The following DLG2 variants were observed in gnomAD, a reference collection of about 807,000 sequenced individuals.
DLG2 encodes discs large MAGUK scaffold protein 2, also known as disks large homolog 2.
Under a neutral mutation model 132.5 loss-of-function variants are expected in DLG2, and 45 were observed. The ratio of observed to expected loss-of-function variants is 0.34; its 90% CI spans 0.27 to 0.44. DLG2 has a LOEUF of 0.44. Among genes scored for constraint, DLG2 ranks in the 20% least tolerant of loss-of-function variants. The pLI is 1.00. For missense variants in DLG2, 1,045 were observed against 1,196.9 expected (o/e 0.87, Z 1.87); for synonymous variants, 424 against 419.6 (o/e 1.01, Z -0.13).
intron 11 of DLG2, among the ~76,000 whole-genome samples, chr11:84,016,078 A>T (rs901970084): frequency 3.9e-5 from 6 of 151,950 alleles, no homozygotes; most frequent in African/African-American, 1.4e-4. Context: ...AGCCATTCTG[A>T]CTGGTGTGAG....
chr11:84,686,638 T>TG (rs2099738449), intron 6 of DLG2, among the ~76,000 whole-genome samples: 2 of 150,236 alleles, frequency 1.3e-5, no homozygotes, highest in African/African-American at 4.9e-5. Context: ...AGGTTTTTTT[T>TG]TTTTTTTTTT....
At chr11:83,758,041 T>C (rs2093725784) in intron 18 of DLG2, among the ~76,000 whole-genome samples, 1 of 152,220 alleles carries the variant, frequency 6.6e-6, no homozygotes, top group Admixed American at 6.5e-5. Flanking sequence ...AATGGTTATA[T>C]GGAAGTAATC....
intron 6 of DLG2, among the ~76,000 whole-genome samples, chr11:84,726,281 C>A (rs1490832579): frequency 6.6e-6 from 1 of 152,110 alleles, no homozygotes; most frequent in Non-Finnish European, 1.5e-5. Context: ...TACCCCCAGG[C>A]AGGCCCTGGT....
chr11:84,401,366 G>T lies in DLG2; in HGVS notation c.519+133204C>A, dbSNP rs572357239. On this transcript the variant is annotated intron_variant, in intron 7 of 27. Coordinates refer to ENST00000376104, the MANE Select transcript of DLG2 (RefSeq NM_001142699.3). Reference sequence around the variant, plus strand: ...ATTATACTTATTTTTGTAATCATTTGTTTAATGTCTTTCCTCCACCCCCAA... The same window carrying T: ...ATTATACTTATTTTTGTAATCATTTTTTTAATGTCTTTCCTCCACCCCCAA... 2.0e-5 allele frequency among the ~76,000 whole-genome samples: 3 copies of T among 152,094 alleles called. 1 individual carries two copies. Among genetic ancestry groups the T allele is most frequent in the East Asian group, 1.9e-4 (1 of 5,168 alleles).
In DLG2 at chr11:84,809,434, GA is replaced by G. The variant is rs1017128161; in HGVS notation, c.358-274704del. ...TAATGCTTTAAATTCTTGCCATAAA[GA>G]AAAAAAAAATAAAAGTCATAAGAAA... On this transcript the variant is annotated intron_variant, in intron 6 of 27. Coordinates refer to ENST00000376104, the MANE Select transcript of DLG2 (RefSeq NM_001142699.3). Among the ~76,000 whole-genome samples the G allele has an allele frequency of 2.1e-4, 27 of 129,832 alleles. 1 individual carries two copies. The highest frequency in any genetic ancestry group is 3.9e-4 in the Admixed American group (5 of 12,938). The allele number at this position is 129,832 out of a possible 152,430, so 85.2% of individuals were successfully genotyped here. A position where few individuals can be genotyped will look rare whatever the true frequency, so the allele number is the denominator to read the frequency against.
Position 83,922,670 on chromosome 11 carries a change from G to A in DLG2, c.1496+7658C>T, listed in dbSNP as rs184825826. 1.2e-3 allele frequency among the ~76,000 whole-genome samples: 177 copies of A among 152,236 alleles called. 1 individual carries two copies. The highest frequency in any genetic ancestry group is 4.0e-3 in the African/African-American group (168 of 41,550). On this transcript the variant is annotated intron_variant, in intron 15 of 27. Coordinates refer to ENST00000376104, the MANE Select transcript of DLG2 (RefSeq NM_001142699.3). Reference sequence around the variant, plus strand: ...TCTACAGATTCGTGGCAGAGTGGATGTGGGAAGTGGGGAACAGAGTGAGAA... The same window carrying A: ...TCTACAGATTCGTGGCAGAGTGGATATGGGAAGTGGGGAACAGAGTGAGAA...
intron 6 of DLG2, among the ~76,000 whole-genome samples, chr11:84,556,890 A>G (rs1008339076): frequency 5.9e-5 from 9 of 152,210 alleles, no homozygotes; most frequent in Admixed American, 3.9e-4. Flanking sequence ...TACATCAGCT[A>G]TACAATCTAT....
At chr11:84,115,977 T>C (rs1159986219) in intron 9 of DLG2, among the ~76,000 whole-genome samples, 1 of 152,132 alleles carries the variant, frequency 6.6e-6, no homozygotes, top group African/African-American at 2.4e-5. Context: ...AAGAAATGAG[T>C]GTCTCAATCA....
intron 18 of DLG2, among the ~76,000 whole-genome samples, chr11:83,755,994 T>C (rs1031958383): frequency 4.0e-5 from 6 of 151,340 alleles, no homozygotes; most frequent in African/African-American, 1.5e-4. Flanking sequence ...CTGCATATAC[T>C]TTTTGCTTCA....
intron 6 of DLG2, among the ~76,000 whole-genome samples, chr11:84,984,281 T>A (rs573777258): frequency 2.4e-4 from 36 of 152,184 alleles, no homozygotes; most frequent in African/African-American, 8.7e-4. Context: ...AACCCAGATT[T>A]CTATGCAGAA....
intron 6 of DLG2, among the ~76,000 whole-genome samples, chr11:84,761,895 C>G (rs1439979700): frequency 6.6e-6 from 1 of 152,070 alleles, no homozygotes; most frequent in Non-Finnish European, 1.5e-5. Flanking sequence ...TCTAGAAAAC[C>G]CTAAATAATA....
At chr11:84,051,209 A>C (rs550105813) in intron 11 of DLG2, among the ~76,000 whole-genome samples, 21 of 152,124 alleles carry the variant, frequency 1.4e-4, no homozygotes, top group African/African-American at 5.1e-4. Context: ...TGTGGAAGTC[A>C]GTGTGGTGAT....
intron 7 of DLG2, among the ~76,000 whole-genome samples, chr11:84,287,269 C>T (rs573086262): frequency 6.6e-6 from 1 of 152,208 alleles, no homozygotes. Flanking sequence ...ATTACATTTT[C>T]ATCATCATAA....
At chr11:84,641,071 C>T (rs1433830524) in intron 6 of DLG2, among the ~76,000 whole-genome samples, 1 of 152,052 alleles carries the variant, frequency 6.6e-6, no homozygotes, top group African/African-American at 2.4e-5. Flanking sequence ...TCTGGGGAAC[C>T]AGGTGTTAGA....
At chr11:83,946,938 G>A (rs916664894) in intron 14 of DLG2, among the ~76,000 whole-genome samples, 5 of 152,102 alleles carry the variant, frequency 3.3e-5, no homozygotes, top group Middle Eastern at 3.4e-3. Flanking sequence ...ATTTAAATTC[G>A]GTATAACCTT....
intron 18 of DLG2, among the ~76,000 whole-genome samples, chr11:83,657,751 A>G (rs1187442591): frequency 2.0e-5 from 3 of 152,080 alleles, no homozygotes; most frequent in East Asian, 1.9e-4. Flanking sequence ...CGCATTAGCC[A>G]GGATGGTCTC....
At chr11:85,237,144 C>G (rs1487305332) in intron 4 of DLG2, among the ~76,000 whole-genome samples, 1 of 152,000 alleles carries the variant, frequency 6.6e-6, no homozygotes, top group African/African-American at 2.4e-5. Context: ...CTAATGAGTG[C>G]CAGAGTTAGA....
intron 18 of DLG2, among the ~76,000 whole-genome samples, chr11:83,655,893 G>A (rs1430686020): frequency 6.6e-6 from 1 of 152,190 alleles, no homozygotes; most frequent in East Asian, 1.9e-4. Flanking sequence ...GCTGTAAGCT[G>A]TTGGCATCAC....
intron 6 of DLG2, among the ~76,000 whole-genome samples, chr11:84,910,552 A>G (rs1291359915): frequency 6.6e-6 from 1 of 152,208 alleles, no homozygotes; most frequent in Non-Finnish European, 1.5e-5. Flanking sequence ...GCCCTTGTAC[A>G]GAATACAGTG....
Sources: allele counts gnomAD v4.1 joint callset (sites outside exome capture counted in the v4.1 genomes callset), GRCh38; gene constraint gnomAD v4.1.1; transcripts MANE v1.5; gene names NCBI Gene and HGNC (gene_info 2026-07-23, HGNC 2026-07-21).